The following CDH18 variants were observed in gnomAD, a reference collection of about 807,000 sequenced individuals.
CDH18 encodes the protein cadherin 18.
CDH18 carries 31 observed loss-of-function variants against 67.9 expected under a neutral mutation model. The ratio of observed to expected loss-of-function variants is 0.46; its 90% CI spans 0.34 to 0.62. CDH18 has a LOEUF of 0.62. Ranked by LOEUF, CDH18 falls within the 20% of genes least tolerant of loss-of-function variation. The pLI is 0.01. For synonymous variants in CDH18, 362 were observed against 347.2 expected (o/e 1.04, Z -0.48); for missense variants, 890 against 975.5 (o/e 0.91, Z 1.17).
rs1007794129 is a variant in CDH18, at chr5:20,437,878, T to G, written c.-580+137584A>C. ...CCTGTGTGTATAATAAATAAAATTA[T>G]AGAATAAAATGTTCACATTCTATTA... On this transcript the variant is annotated intron_variant, in intron 1 of 14. Coordinates refer to the CDH18 transcript ENST00000507958. 9.9e-5 allele frequency among the ~76,000 whole-genome samples: 15 copies of G among 151,450 alleles called. 1 individual carries two copies. Among genetic ancestry groups the G allele is most frequent in the African/African-American group, 3.6e-4 (15 of 41,256 alleles).
chr5:20,516,367 A>G (rs1421767865), intron 1 of CDH18, among the ~76,000 whole-genome samples: 3 of 151,998 alleles, frequency 2.0e-5, no homozygotes, highest in African/African-American at 7.2e-5. Flanking sequence ...ATTACAAAAA[A>G]CAAATAAAAT....
chr5:19,741,858 C>T (rs564636485), intron 4 of CDH18, among the ~76,000 whole-genome samples: 1 of 152,100 alleles, frequency 6.6e-6, no homozygotes, highest in Non-Finnish European at 1.5e-5. Flanking sequence ...GGAACACCAC[C>T]GCATTTATTA....
At chr5:19,765,880 C>A (rs1773017697) in intron 3 of CDH18, among the ~76,000 whole-genome samples, 1 of 27,836 alleles carries the variant, frequency 3.6e-5, no homozygotes, top group African/African-American at 7.0e-5. Flanking sequence ...ATTCAAAAAA[C>A]ATTTTTTTTT....
chr5:19,695,643 C>T (rs1337340718), intron 5 of CDH18, among the ~76,000 whole-genome samples: 1 of 152,176 alleles, frequency 6.6e-6, no homozygotes, highest in Non-Finnish European at 1.5e-5. Flanking sequence ...ACATTGCAAT[C>T]AGCATCCTGG....
At chr5:19,545,780 T>C (rs994524167) in intron 8 of CDH18, among the ~76,000 whole-genome samples, 3 of 152,086 alleles carry the variant, frequency 2.0e-5, no homozygotes, top group African/African-American at 4.8e-5. Flanking sequence ...TAGATACCCA[T>C]GTGGAATAAA....
At chr5:20,364,865 A>G (rs1742383948) in intron 1 of CDH18, among the ~76,000 whole-genome samples, 1 of 152,190 alleles carries the variant, frequency 6.6e-6, no homozygotes, top group Non-Finnish European at 1.5e-5. Flanking sequence ...GTAGAATCCA[A>G]CTTATTAAGT....
At chr5:20,102,696 G>T (rs1390012655) in intron 2 of CDH18, among the ~76,000 whole-genome samples, 1 of 151,970 alleles carries the variant, frequency 6.6e-6, no homozygotes, top group Non-Finnish European at 1.5e-5. Context: ...TCAATCTGTG[G>T]GTATTTACAA....
chr5:20,089,089 T>C (rs1049060686), intron 2 of CDH18, among the ~76,000 whole-genome samples: 14 of 152,056 alleles, frequency 9.2e-5, no homozygotes, highest in Non-Finnish European at 1.3e-4. Flanking sequence ...AATAGAATCC[T>C]TTAAAAAGAT....
chr5:19,551,181 A>G (rs1250728904), intron 8 of CDH18, among the ~76,000 whole-genome samples: 2 of 152,166 alleles, frequency 1.3e-5, no homozygotes, highest in Admixed American at 6.6e-5. Flanking sequence ...AAGAAGAATT[A>G]GGGTGAGGGA....
At chr5:20,428,817 AT>A (rs35226117) in intron 1 of CDH18, among the ~76,000 whole-genome samples, 1 of 152,030 alleles carries the variant, frequency 6.6e-6, no homozygotes, top group Non-Finnish European at 1.5e-5. Flanking sequence ...TTTTAGTGGC[AT>A]TTTTTTCTCA....
rs144663525 is a variant in CDH18 at position 19,965,716 on chromosome 5, T to A, written c.-257+15344A>T. Among the ~76,000 whole-genome samples the A allele has an allele frequency of 7.0e-4, 107 of 152,104 alleles. 2 individuals carry two copies. The highest frequency in any genetic ancestry group is 3.4e-3 in the Middle Eastern group (1 of 294). On this transcript the variant is annotated intron_variant, in intron 2 of 12. Transcript: ENST00000382275. ...CTACATTTCTCCACCAGGTTACATT[T>A]AAGGAGGAAGGAGGAAGAGAGAGGC...
chr5:20,133,967 C>T (rs1472085129), intron 2 of CDH18, among the ~76,000 whole-genome samples: 1 of 152,074 alleles, frequency 6.6e-6, no homozygotes, highest in African/African-American at 2.4e-5. Context: ...TAATGCCCCA[C>T]ATTTCTTGGA....
In CDH18 at chr5:19,520,778, T is replaced by C; in HGVS notation, c.1391A>G (p.Asp464Gly). 1.2e-6 allele frequency: 2 copies of C among 1,612,686 alleles called. No individual in the cohort carries two copies. The highest frequency in any genetic ancestry group is 2.2e-5 in the South Asian group (2 of 90,836). Residue 464 changes from aspartate to glycine, a missense_variant and splice_region_variant, in exon 10 of 13, where the codon GAT becomes GGT. Physicochemically the swap from Asp to Gly is moderately conservative, Grantham distance 94 (BLOSUM62 -1). Transcript: ENST00000382275. ...YNITVTASEI[D>G]NPDLLSHVTV... Reference sequence around the variant, plus strand: ...GACATGGCTCAGCAAATCAGGATTATCTGCAAAATACACAGGAATGTATTT... The same window carrying C: ...GACATGGCTCAGCAAATCAGGATTACCTGCAAAATACACAGGAATGTATTT...
At chr5:20,523,070 C>T (rs1755840346) in intron 1 of CDH18, among the ~76,000 whole-genome samples, 3 of 152,138 alleles carry the variant, frequency 2.0e-5, no homozygotes, top group Non-Finnish European at 2.9e-5. Context: ...TAATGTACTG[C>T]AGTTCATTTT....
In CDH18 at chr5:19,473,047, T is replaced by A. The variant is rs1262388767; in HGVS notation, c.*179A>T. 1.9e-6 allele frequency: 1 copy of A among 514,746 alleles called. No individual in the cohort carries two copies. The highest frequency in any genetic ancestry group is 3.7e-5 in the Admixed American group (1 of 27,198). The allele number at this position is 514,746 out of a possible 1,614,324, so 31.9% of individuals were successfully genotyped here. A position where few individuals can be genotyped will look rare whatever the true frequency, so the allele number is the denominator to read the frequency against. The stretch of plus-strand genomic sequence containing the variant: ...TGTATTGTCTTTTTTTTTTTTTTTT[T>A]ACTTTCTTCCAATTAAATAACCCAG... On this transcript the variant is annotated 3_prime_UTR_variant, in exon 13 of 13. Coordinates refer to ENST00000382275, the MANE Select transcript of CDH18 (RefSeq NM_004934.5).
At chr5:19,768,028 A>G (rs1773308229) in intron 3 of CDH18, among the ~76,000 whole-genome samples, 1 of 152,096 alleles carries the variant, frequency 6.6e-6, no homozygotes, top group Non-Finnish European at 1.5e-5. Flanking sequence ...AAGATCCACA[A>G]ATCAAGGTCA....
At chr5:19,593,242 C>T (rs1745473308) in intron 6 of CDH18, among the ~76,000 whole-genome samples, 1 of 152,022 alleles carries the variant, frequency 6.6e-6, no homozygotes, top group South Asian at 2.1e-4. Context: ...AATCTTTATA[C>T]TATATTCTGT....
Position 19,862,283 on chromosome 5 carries a change from G to A in CDH18, c.-256-23041C>T, listed in dbSNP as rs182786274. 2.0e-4 allele frequency among the ~76,000 whole-genome samples: 30 copies of A among 152,246 alleles called. 1 individual carries two copies. The highest frequency in any genetic ancestry group is 8.3e-4 in the South Asian group (4 of 4,816). On this transcript the variant is annotated intron_variant, in intron 2 of 12. Coordinates refer to ENST00000382275, the MANE Select transcript of CDH18 (RefSeq NM_004934.5). ...TGTTTTTATATGTTTGTAGCACTGAGGAAAGTGTTCTGTCAGGTATCTCAC... is the reference window on the plus strand; with the variant it reads ...TGTTTTTATATGTTTGTAGCACTGAAGAAAGTGTTCTGTCAGGTATCTCAC...
At chr5:19,612,136 T>G (rs1272041870) in intron 6 of CDH18, among the ~76,000 whole-genome samples, 2 of 152,190 alleles carry the variant, frequency 1.3e-5, no homozygotes, top group Admixed American at 6.5e-5. Flanking sequence ...ACTTTAAGAA[T>G]ATACAGATAC....
Sources: allele counts gnomAD v4.1 joint callset (sites outside exome capture counted in the v4.1 genomes callset), GRCh38; gene constraint gnomAD v4.1.1; transcripts MANE v1.5; gene names NCBI Gene and HGNC (gene_info 2026-07-23, HGNC 2026-07-21).